Variants in TUSC3 observed in about 807,000 individuals in gnomAD.
The protein encoded by TUSC3 is dolichyl-diphosphooligosaccharide--protein glycosyltransferase subunit TUSC3.
In TUSC3, 45 loss-of-function variants were observed where a neutral mutation model predicts 44.8. That is an observed-to-expected ratio of 1.00 (90% CI 0.79 to 1.29). The LOEUF (loss-of-function observed/expected upper bound fraction) is 1.29, where lower values mean the gene tolerates loss of function less well. TUSC3 is among the 50% of genes most tolerant of loss of function. TUSC3 has a pLI of 0.00. For missense variants in TUSC3, 519 were observed against 437.9 expected (o/e 1.19, Z -1.65); for synonymous variants, 212 against 152.9 (o/e 1.39, Z -2.85).
upstream of TUSC3, among the ~76,000 whole-genome samples, chr8:15,536,675 C>T (rs1455985377): frequency 4.2e-5 from 3 of 70,644 alleles, no homozygotes; most frequent in African/African-American, 1.7e-4. Context: ...GAGCAAGATT[C>T]CGTCTCAAAA....
intron 1 of TUSC3, among the ~76,000 whole-genome samples, chr8:15,429,806 C>G (rs2129116649): frequency 6.6e-6 from 1 of 151,680 alleles, no homozygotes; most frequent in Admixed American, 6.6e-5. Context: ...GATATCACCA[C>G]CGATCCCACA....
the TUSC3 span, among the ~76,000 whole-genome samples, chr8:15,839,649 G>C: frequency 0.088 from 13,416 of 152,216 alleles, 699 homozygotes; most frequent in Middle Eastern, 0.17. Context: ...CTGGCCATCA[G>C]AGAAATGCAA....
chr8:15,590,500 C>A (rs1271790350), intron 1 of TUSC3, among the ~76,000 whole-genome samples: 1 of 152,036 alleles, frequency 6.6e-6, no homozygotes, highest in African/African-American at 2.4e-5. Context: ...TGCCAATTCC[C>A]CCATTAACAT....
At chr8:15,661,598 G>A (rs10102495) in intron 4 of TUSC3, among the ~76,000 whole-genome samples, 1 of 151,814 alleles carries the variant, frequency 6.6e-6, no homozygotes, top group Non-Finnish European at 1.5e-5. Context: ...TGATCAAGAT[G>A]TTTCCCATTT....
At chr8:15,563,013 T>G (rs1802535946) in intron 1 of TUSC3, among the ~76,000 whole-genome samples, 1 of 152,106 alleles carries the variant, frequency 6.6e-6, no homozygotes, top group Admixed American at 6.5e-5. Context: ...GGCAGTTACG[T>G]TACAGTGGTT....
At chr8:15,566,652 C>T (rs1014053055) in intron 1 of TUSC3, among the ~76,000 whole-genome samples, 2 of 151,136 alleles carry the variant, frequency 1.3e-5, no homozygotes, top group African/African-American at 2.4e-5. Context: ...CAGGGTCTTG[C>T]TCTGTTGCTC....
chr8:15,540,681 G>A (rs1007981035), intron 1 of TUSC3, 113 bp downstream of exon 1: 4 of 1,378,418 alleles, frequency 2.9e-6, no homozygotes, highest in South Asian at 1.6e-5. Context: ...CGTGGGCGAT[G>A]CCGGCGCTGG....
chr8:15,435,897 A>G (rs571311297), intron 1 of TUSC3, among the ~76,000 whole-genome samples: 2 of 152,300 alleles, frequency 1.3e-5, no homozygotes, highest in Non-Finnish European at 2.9e-5. Flanking sequence ...AGTGGCTTAA[A>G]CAGTATTTTT....
chr8:15,653,759 A>G (rs1807023776), intron 3 of TUSC3, among the ~76,000 whole-genome samples: 1 of 152,224 alleles, frequency 6.6e-6, no homozygotes, highest in Non-Finnish European at 1.5e-5. Context: ...AGAAACACTA[A>G]AAGGTTTTTA....
At chr8:15,481,241 C>A (rs966891094) in intron 1 of TUSC3, among the ~76,000 whole-genome samples, 1 of 126,352 alleles carries the variant, frequency 7.9e-6, no homozygotes, top group Admixed American at 8.8e-5. Context: ...GAGTGAAACT[C>A]CATCTCAAAA....
At chr8:15,438,249 C>T (rs1441617213) in intron 1 of TUSC3, among the ~76,000 whole-genome samples, 1 of 152,138 alleles carries the variant, frequency 6.6e-6, no homozygotes, top group Non-Finnish European at 1.5e-5. Context: ...CATGCGCCAC[C>T]ACGCCCAGCT....
chr8:15,487,135 T>C (rs986926364), intron 2 of TUSC3, among the ~76,000 whole-genome samples: 4 of 150,438 alleles, frequency 2.7e-5, no homozygotes, highest in African/African-American at 9.8e-5. Flanking sequence ...TATTTTCCTG[T>C]TTGTTTGTTT....
chr8:15,712,898 G>T (rs890792050), intron 6 of TUSC3, among the ~76,000 whole-genome samples: 1 of 151,996 alleles, frequency 6.6e-6, no homozygotes, highest in Non-Finnish European at 1.5e-5. Flanking sequence ...TCACTCCTCG[G>T]TACAGTTCAG....
the TUSC3 span, among the ~76,000 whole-genome samples, chr8:15,788,624 A>C: frequency 6.6e-6 from 1 of 152,012 alleles, no homozygotes; most frequent in Non-Finnish European, 1.5e-5. Context: ...CCTCATCCAG[A>C]CTGCCTACCC....
At position 15,748,473 on chromosome 8, in the gene TUSC3, C is replaced by G. The variant is rs587780496; in HGVS notation, c.1028+8C>G. ...CCACGGCTATCCTTATAGGTAATATCTTTATACTAACATGAATGTTTTTAT... is the reference window on the plus strand; with the variant it reads ...CCACGGCTATCCTTATAGGTAATATGTTTATACTAACATGAATGTTTTTAT... On this transcript the variant is annotated splice_region_variant and intron_variant, in intron 9 of 10. Transcript: ENST00000503731. 65 of 1,569,168 alleles carry G rather than the reference C, an allele frequency of 4.1e-5. No individual in the cohort carries two copies. Among genetic ancestry groups the G allele is most frequent in the Non-Finnish European group, 5.3e-5 (60 of 1,139,566 alleles).
At position 15,540,366 on chromosome 8, in the gene TUSC3, G is replaced by T; in HGVS notation, c.-65G>T. ...GCTCCCGGAGGCTGGCCGGGCAGGCGTGGTGCGCGGTAGGAGCTGGGCGCG... is the reference window on the plus strand; with the variant it reads ...GCTCCCGGAGGCTGGCCGGGCAGGCTTGGTGCGCGGTAGGAGCTGGGCGCG... On this transcript the variant is annotated 5_prime_UTR_variant, in exon 1 of 11. Transcript: ENST00000503731. 6.9e-7 allele frequency: 1 copy of T among 1,450,544 alleles called. No individual in the cohort carries two copies. Among genetic ancestry groups the T allele is most frequent in the Non-Finnish European group, 9.1e-7 (1 of 1,096,788 alleles). The allele number at this position is 1,450,544 out of a possible 1,614,324, so 89.9% of individuals were successfully genotyped here.
chr8:15,448,941 AT>A (rs1448401770), intron 1 of TUSC3, among the ~76,000 whole-genome samples: 7 of 152,164 alleles, frequency 4.6e-5, no homozygotes, highest in Admixed American at 1.3e-4. Context: ...ATTTTTTTTA[AT>A]AAATTTAGCA....
intron 6 of TUSC3, among the ~76,000 whole-genome samples, chr8:15,706,000 G>C (rs1243294142): frequency 6.6e-6 from 1 of 151,884 alleles, no homozygotes; most frequent in African/African-American, 2.4e-5. Context: ...ACTCTTTAAA[G>C]ATACTCATAT....
At chr8:15,751,783 C>T (rs1300605065) in intron 9 of TUSC3, among the ~76,000 whole-genome samples, 1 of 152,142 alleles carries the variant, frequency 6.6e-6, no homozygotes, top group African/African-American at 2.4e-5. Context: ...GATCTTTGAT[C>T]CTAAGAGATC....
Sources: allele counts gnomAD v4.1 joint callset (sites outside exome capture counted in the v4.1 genomes callset), GRCh38; gene constraint gnomAD v4.1.1; transcripts MANE v1.5; gene names NCBI Gene and HGNC (gene_info 2026-07-23, HGNC 2026-07-21).